Variants in PRKG1 observed in about 807,000 individuals in gnomAD.
The protein encoded by PRKG1 is cGMP-dependent protein kinase 1.
PRKG1 carries 35 observed loss-of-function variants against 88.1 expected under a neutral mutation model. The ratio of observed to expected loss-of-function variants is 0.40; its 90% CI spans 0.30 to 0.53. PRKG1 has a LOEUF of 0.53. Ranked by LOEUF, PRKG1 falls within the 20% of genes least tolerant of loss-of-function variation. The pLI, the probability that PRKG1 is intolerant of heterozygous loss-of-function variation, is 0.59. For synonymous variants in PRKG1, 303 were observed against 292.5 expected (o/e 1.04, Z -0.37); for missense variants, 540 against 839.8 (o/e 0.64, Z 4.41).
intron 1 of PRKG1, among the ~76,000 whole-genome samples, chr10:51,132,758 G>T (rs1219385990): frequency 1.4e-5 from 2 of 147,980 alleles, no homozygotes; most frequent in Non-Finnish European, 1.5e-5. Flanking sequence ...AAAATTTAAG[G>T]TTCTTGTTAA....
At chr10:51,557,694 T>G (rs771607897) in intron 3 of PRKG1, among the ~76,000 whole-genome samples, 9 of 152,148 alleles carry the variant, frequency 5.9e-5, no homozygotes, top group South Asian at 2.1e-4. Flanking sequence ...CACAGTAAAC[T>G]TTAGTTTTCA....
At chr10:52,187,651 C>T (rs1485562668) in intron 9 of PRKG1, among the ~76,000 whole-genome samples, 2 of 152,198 alleles carry the variant, frequency 1.3e-5, no homozygotes, top group African/African-American at 4.8e-5. Flanking sequence ...TAAATTCCAC[C>T]TTTGTGGTAA....
At chr10:51,473,963 C>A (rs1427238066) in intron 3 of PRKG1, among the ~76,000 whole-genome samples, 1 of 151,910 alleles carries the variant, frequency 6.6e-6, no homozygotes, top group Non-Finnish European at 1.5e-5. Context: ...AAACTAGTAA[C>A]ATAGGCCAAT....
intron 9 of PRKG1, among the ~76,000 whole-genome samples, chr10:52,244,931 TA>T (rs1464756477): frequency 6.9e-6 from 1 of 144,576 alleles, no homozygotes; most frequent in African/African-American, 2.5e-5. Context: ...TATTTAAATA[TA>T]CTTTAAATAT....
chr10:52,277,250 G>A (rs529152431), intron 12 of PRKG1, among the ~76,000 whole-genome samples: 1 of 152,202 alleles, frequency 6.6e-6, no homozygotes, highest in East Asian at 1.9e-4. Context: ...GAAAAGAACA[G>A]AGATTAGCAA....
intron 3 of PRKG1, among the ~76,000 whole-genome samples, chr10:51,760,659 AG>A (rs765414704): frequency 6.6e-6 from 1 of 151,842 alleles, no homozygotes; most frequent in African/African-American, 2.4e-5. Context: ...TTTAGTAGGG[AG>A]GGGGTTTCAC....
intron 2 of PRKG1, chr10:51,245,059 T>A (rs550376714): frequency 1.3e-5 from 2 of 152,236 alleles, no homozygotes; most frequent in Non-Finnish European, 2.9e-5. Flanking sequence ...GCTTTTCCTC[T>A]TCTCCCTAGC....
At chr10:51,698,646 G>T in intron 3 of PRKG1, 2 of 1,614,066 alleles carry the variant, frequency 1.2e-6, no homozygotes, top group South Asian at 1.1e-5. Flanking sequence ...ACTTGTCCCC[G>T]CTCTAAAGGC....
In PRKG1 at chr10:51,066,757, A is replaced by C. The variant is rs539188111; in HGVS notation, c.266+75113A>C. ...ACATACTGGAATGTTAAAAGTACTG[A>C]TATTAATACTGAAAGAAATCTCTTT... On this transcript the variant is annotated intron_variant, in intron 1 of 17. Transcript: ENST00000401604. 1.4e-4 allele frequency among the ~76,000 whole-genome samples: 22 copies of C among 152,198 alleles called. No individual in the cohort carries two copies. In the South Asian group the frequency reaches 4.6e-3, roughly 32 times the overall value.
intron 5 of PRKG1, among the ~76,000 whole-genome samples, chr10:52,043,168 CA>C (rs1440443616): frequency 2.0e-5 from 3 of 151,962 alleles, no homozygotes; most frequent in Non-Finnish European, 2.9e-5. Context: ...GGAGGTTCCT[CA>C]AAAAATTAGA....
intron 4 of PRKG1, among the ~76,000 whole-genome samples, chr10:51,870,304 A>G (rs1448355240): frequency 6.6e-6 from 1 of 152,084 alleles, no homozygotes; most frequent in Non-Finnish European, 1.5e-5. Flanking sequence ...CAGGAATTAA[A>G]ATTTCTTTAT....
chr10:51,554,440 GTGTA>G (rs1290494080), intron 3 of PRKG1, among the ~76,000 whole-genome samples: 2 of 143,280 alleles, frequency 1.4e-5, no homozygotes, highest in Non-Finnish European at 1.5e-5. Context: ...GTGTGTGTGT[GTGTA>G]TATATATATC....
chr10:52,121,560 ATTTC>A (rs1847820343), intron 7 of PRKG1, among the ~76,000 whole-genome samples: 1 of 152,158 alleles, frequency 6.6e-6, no homozygotes, highest in Non-Finnish European at 1.5e-5. Context: ...CTGCTTAGCT[ATTTC>A]TTCTGCCAGA....
intron 5 of PRKG1, among the ~76,000 whole-genome samples, chr10:51,917,847 A>G (rs1015771062): frequency 1.4e-4 from 22 of 152,304 alleles, no homozygotes; most frequent in African/African-American, 5.1e-4. Context: ...CATATTTTGT[A>G]AGTCAATTTA....
At chr10:51,241,819 G>A (rs972867842) in intron 2 of PRKG1, among the ~76,000 whole-genome samples, 1 of 152,046 alleles carries the variant, frequency 6.6e-6, no homozygotes, top group African/African-American at 2.4e-5. Flanking sequence ...GGTCATGCCT[G>A]ACCTGATGAA....
intron 5 of PRKG1, among the ~76,000 whole-genome samples, chr10:52,010,846 A>G (rs914723273): frequency 1.3e-5 from 2 of 152,230 alleles, no homozygotes; most frequent in African/African-American, 2.4e-5. Context: ...AGAGCACAGC[A>G]ATAATGAGTA....
At chr10:52,270,094 A>G (rs571396484) in intron 10 of PRKG1, among the ~76,000 whole-genome samples, 1 of 152,224 alleles carries the variant, frequency 6.6e-6, no homozygotes, top group Admixed American at 6.6e-5. Flanking sequence ...TTTAAACTGT[A>G]GGGAGGGAAA....
intron 5 of PRKG1, among the ~76,000 whole-genome samples, chr10:51,998,995 A>C (rs1454796863): frequency 6.6e-6 from 1 of 151,362 alleles, no homozygotes; most frequent in East Asian, 2.0e-4. Context: ...AAATGTTCAC[A>C]CTAACTTTCT....
intron 2 of PRKG1, among the ~76,000 whole-genome samples, chr10:51,187,702 A>G (rs564202167): frequency 1.3e-5 from 2 of 152,026 alleles, no homozygotes; most frequent in Non-Finnish European, 1.5e-5. Flanking sequence ...TGAATTTCCT[A>G]TTACAGTTCT....
Sources: allele counts gnomAD v4.1 joint callset (sites outside exome capture counted in the v4.1 genomes callset), GRCh38; gene constraint gnomAD v4.1.1; transcripts MANE v1.5; gene names NCBI Gene and HGNC (gene_info 2026-07-23, HGNC 2026-07-21).